SHISA6: variants seen among roughly 807,000 people sequenced by gnomAD.
SHISA6 encodes shisa family member 6.
SHISA6 carries 22 observed loss-of-function variants against 47.9 expected under a neutral mutation model. That is an observed-to-expected ratio of 0.46 (90% CI 0.33 to 0.66). The LOEUF (loss-of-function observed/expected upper bound fraction) is 0.66. Ranked by LOEUF, SHISA6 falls within the 30% of genes least tolerant of loss-of-function variation. SHISA6 has a pLI of 0.02. For missense variants in SHISA6, 680 were observed against 764.6 expected, an observed-to-expected ratio of 0.89 and a Z score of 1.30; for synonymous variants, 388 against 337.8, an observed-to-expected ratio of 1.15 and a Z score of -1.63.
chr17:11,483,145 T>C (rs1916260902), intron 3 of SHISA6, among the ~76,000 whole-genome samples: 3 of 151,844 alleles, frequency 2.0e-5, no homozygotes, highest in Admixed American at 1.3e-4. Context: ...CTACTAATAA[T>C]ACAAAATTAG....
intron 3 of SHISA6, among the ~76,000 whole-genome samples, chr17:11,499,698 T>TGTTG: frequency 6.8e-6 from 1 of 146,604 alleles, no homozygotes; most frequent in African/African-American, 2.7e-5. Context: ...TTTTTTTTTT[T>TGTTG]TTGTTGTTGT....
intron 2 of SHISA6, among the ~76,000 whole-genome samples, chr17:11,321,001 C>G (rs533301295): frequency 6.6e-6 from 1 of 152,194 alleles, no homozygotes; most frequent in Non-Finnish European, 1.5e-5. Flanking sequence ...ATTTGGATTG[C>G]TTTTTTAAAA....
intron 4 of SHISA6, among the ~76,000 whole-genome samples, chr17:11,553,360 G>T (rs547476036): frequency 6.6e-6 from 1 of 152,268 alleles, no homozygotes; most frequent in East Asian, 1.9e-4. Flanking sequence ...CGCAAGGAGA[G>T]CTCCCACTTG....
At chr17:11,556,767 C>T (rs147274386) in intron 5 of SHISA6, among the ~76,000 whole-genome samples, 4 of 152,242 alleles carry the variant, frequency 2.6e-5, no homozygotes, top group Non-Finnish European at 5.9e-5. Flanking sequence ...TACCCATCAA[C>T]GACCCCGCTG....
chr17:11,268,789 C>G (rs115176894), intron 2 of SHISA6, among the ~76,000 whole-genome samples: 226 of 152,294 alleles, frequency 1.5e-3, no homozygotes, highest in African/African-American at 5.1e-3. Flanking sequence ...CCTAGTTGCT[C>G]AAGAGCTGTT....
chr17:11,542,588 A>T (rs1259554922), intron 3 of SHISA6, among the ~76,000 whole-genome samples: 1 of 152,164 alleles, frequency 6.6e-6, no homozygotes, highest in African/African-American at 2.4e-5. Context: ...TGAGTCATTC[A>T]GTATTCAAGA....
chr17:11,335,226 C>T (rs1237878482), intron 2 of SHISA6, among the ~76,000 whole-genome samples: 1 of 152,230 alleles, frequency 6.6e-6, no homozygotes, highest in Non-Finnish European at 1.5e-5. Flanking sequence ...GAAGACTTAT[C>T]CCATATCGCA....
intron 3 of SHISA6, among the ~76,000 whole-genome samples, chr17:11,508,789 G>C (rs2071520780): frequency 7.2e-6 from 1 of 138,388 alleles, no homozygotes; most frequent in Non-Finnish European, 1.6e-5. Context: ...TAGGTATTAG[G>C]GCTATAATCA....
At chr17:11,490,190 G>T (rs1916439692) in intron 3 of SHISA6, among the ~76,000 whole-genome samples, 2 of 152,188 alleles carry the variant, frequency 1.3e-5, no homozygotes, top group South Asian at 4.1e-4. Flanking sequence ...TAGTTCCTGG[G>T]TAGAGAGACC....
rs533631727 is a variant in SHISA6, at chr17:11,370,832, G to A, written c.800-8582G>A. 1.1e-4 allele frequency among the ~76,000 whole-genome samples: 16 copies of A among 152,268 alleles called. No individual in the cohort carries two copies. In the East Asian group the frequency reaches 3.1e-3, roughly 29 times the overall value. ...TGTCGGGTAAGGTGGTCCCTGAATG[G>A]TTCTGACAAGCTGGGATGGTTTATC... On this transcript the variant is annotated intron_variant, in intron 2 of 5. Transcript: ENST00000441885.
At chr17:11,418,907 T>A (rs1914365496) in intron 3 of SHISA6, among the ~76,000 whole-genome samples, 1 of 152,162 alleles carries the variant, frequency 6.6e-6, no homozygotes, top group Non-Finnish European at 1.5e-5. Flanking sequence ...CTAATTGAGG[T>A]GCTGCCTGTC....
At chr17:11,277,604 G>A (rs1425164354) in intron 2 of SHISA6, among the ~76,000 whole-genome samples, 2 of 152,144 alleles carry the variant, frequency 1.3e-5, no homozygotes, top group Non-Finnish European at 2.9e-5. Flanking sequence ...TTATAATTAT[G>A]TATGCTCACA....
intron 2 of SHISA6, among the ~76,000 whole-genome samples, chr17:11,327,611 A>T (rs1910943593): frequency 6.6e-6 from 1 of 152,232 alleles, no homozygotes; most frequent in Non-Finnish European, 1.5e-5. Context: ...AGACTGGCCA[A>T]CAGGGCAAAA....
At chr17:11,504,770 G>C (rs895100539) in intron 3 of SHISA6, among the ~76,000 whole-genome samples, 2 of 152,160 alleles carry the variant, frequency 1.3e-5, no homozygotes, top group Admixed American at 1.3e-4. Flanking sequence ...TTCCTCATGG[G>C]AAGGGGACTT....
At chr17:11,516,749 T>A (rs1198504331) in intron 3 of SHISA6, among the ~76,000 whole-genome samples, 1 of 152,156 alleles carries the variant, frequency 6.6e-6, no homozygotes, top group Non-Finnish European at 1.5e-5. Context: ...CTCAGATAGA[T>A]AAATGGTTAG....
chr17:11,266,638 A>G (rs1908433498), intron 2 of SHISA6, among the ~76,000 whole-genome samples: 1 of 152,220 alleles, frequency 6.6e-6, no homozygotes, highest in South Asian at 2.1e-4. Context: ...TAAAGCACTT[A>G]AGACAGGTCC....
At chr17:11,353,921 G>A (rs1911988280) in intron 2 of SHISA6, among the ~76,000 whole-genome samples, 1 of 152,096 alleles carries the variant, frequency 6.6e-6, no homozygotes, top group Non-Finnish European at 1.5e-5. Context: ...AAAAGGAACA[G>A]GCCCCAATAT....
chr17:11,471,996 A>G (rs946157194), intron 3 of SHISA6, among the ~76,000 whole-genome samples: 8 of 152,166 alleles, frequency 5.3e-5, no homozygotes, highest in Non-Finnish European at 2.9e-5. Context: ...GGTGTTGTAC[A>G]TTCTGTGGGT....
intron 3 of SHISA6, among the ~76,000 whole-genome samples, chr17:11,523,440 G>A (rs1232456187): frequency 2.0e-5 from 3 of 152,128 alleles, no homozygotes; most frequent in African/African-American, 7.2e-5. Context: ...TGTGAGCCAG[G>A]GAGATAGATA....
Sources: gnomAD v4.1 joint callset for allele counts (sites outside exome capture counted in the v4.1 genomes callset) on GRCh38, gnomAD v4.1.1 for gene constraint, MANE v1.5 for transcripts, NCBI Gene and HGNC (gene_info 2026-07-23, HGNC 2026-07-21) for gene names.